ITGAM: variants seen among roughly 807,000 people sequenced by gnomAD.
ITGAM encodes the protein integrin subunit alpha M, also known as integrin alpha-M.
A neutral mutation model predicts 137.5 loss-of-function variants in ITGAM; 79 were observed. The ratio of observed to expected loss-of-function variants is 0.57; its 90% CI spans 0.48 to 0.69. ITGAM has a LOEUF of 0.69. Among genes scored for constraint, ITGAM ranks in the 30% least tolerant of loss-of-function variants. The pLI is 0.00. For synonymous variants in ITGAM, 583 were observed against 592.3 expected, an observed-to-expected ratio of 0.98 and a Z score of 0.23; for missense variants, 1,343 against 1,483.5, an observed-to-expected ratio of 0.91 and a Z score of 1.56.
At position 31,265,864 on chromosome 16, in the gene ITGAM, A is replaced by G; in HGVS notation, c.292A>G (p.Ser98Gly). The G allele has an allele frequency of 6.2e-7, 1 of 1,613,810 alleles. No homozygotes were observed. The highest frequency in any genetic ancestry group is 8.5e-7 in the Non-Finnish European group (1 of 1,179,952). ...SLGLSLAATT[S>G]PPQLLACGPT... ...GGGCCTGTCCCTGGCAGCCACCACC[A>G]GCCCCCCTCAGCTGCTGGTGAGTGG... Residue 98 changes from serine (S) to glycine (G), a missense_variant, in exon 4 of 30, where the codon AGC (serine) becomes GGC (glycine). Physicochemically the swap from Ser to Gly is moderately conservative, Grantham distance 56. Transcript: ENST00000544665.
chr16:31,263,155 G>A (rs2079724527), intron 2 of ITGAM, among the ~76,000 whole-genome samples: 1 of 152,072 alleles, frequency 6.6e-6, no homozygotes, highest in Non-Finnish European at 1.5e-5. Context: ...TGGCCAGGTT[G>A]GTCTTGAACT....
chr16:31,261,089 C>T (rs140071932), intron 1 of ITGAM, among the ~76,000 whole-genome samples: 51 of 152,226 alleles, frequency 3.4e-4, no homozygotes, highest in East Asian at 1.2e-3. Flanking sequence ...TGCTAATCCC[C>T]GCCCCAGGCT....
intron 14 of ITGAM, among the ~76,000 whole-genome samples, chr16:31,315,739 G>A (rs1041461568): frequency 1.3e-5 from 2 of 152,072 alleles, no homozygotes; most frequent in East Asian, 1.9e-4. Context: ...GATTACAGGC[G>A]TGAGCCACTG....
chr16:31,278,027 G>C lies in ITGAM; in HGVS notation c.1274G>C (p.Arg425Pro). ...CAAAGCCTGGTTCTGGGGGCACCTC[G>C]ATATCAGCACATCGGCCTGGTAGCG... is the stretch of plus-strand genomic sequence containing the variant. ...RVQSLVLGAP[R>P]YQHIGLVAMF... The change falls in exon 12 of 30, where the codon CGA (arginine) becomes CCA (proline). Residue 425 changes from arginine (R) to proline (P), a missense_variant. Arg to Pro is a moderately radical substitution (Grantham distance 103, BLOSUM62 -2). Coordinates refer to ENST00000544665, the MANE Select transcript of ITGAM (RefSeq NM_000632.4). 1 of 1,606,912 alleles carries C rather than the reference G, an allele frequency of 6.2e-7. No homozygotes were observed. The highest frequency in any genetic ancestry group is 8.5e-7 in the Non-Finnish European group (1 of 1,176,826).
intron 7 of ITGAM, among the ~76,000 whole-genome samples, 179 bp downstream of exon 7, chr16:31,272,171 G>A (rs1430529996): frequency 6.6e-6 from 1 of 151,586 alleles, no homozygotes; most frequent in Non-Finnish European, 1.5e-5. Context: ...AGGTGGGAGT[G>A]GAGTGGGGAA....
At chr16:31,269,851 AC>A (rs2079808969) in intron 5 of ITGAM, among the ~76,000 whole-genome samples, 1 of 152,096 alleles carries the variant, frequency 6.6e-6, no homozygotes, top group Admixed American at 6.6e-5. Flanking sequence ...GAACACCCGG[AC>A]CTCACTGCCC....
rs1567284967 is a variant in ITGAM at position 31,331,677 on chromosome 16, AGGGGGTCCCCCGGGG to A, written c.3431_3445del (p.Gly1144_Gly1148del). On this transcript the variant is annotated inframe_deletion, in exon 30 of 30. Transcript: ENST00000544665. ...GGCAATACAAGGACATGATGAGTGA[AGGGGGTCCCCCGGGG>A]GCCGAACCCCAGTAGCGGCTCCTTC... The A allele has an allele frequency of 6.2e-7, 1 of 1,609,820 alleles. No individual in the cohort carries two copies. Among genetic ancestry groups the A allele is most frequent in the Middle Eastern group, 1.7e-4 (1 of 6,050 alleles).
intron 5 of ITGAM, among the ~76,000 whole-genome samples, chr16:31,268,718 C>T (rs891219697): frequency 1.6e-4 from 24 of 152,188 alleles, no homozygotes; most frequent in Admixed American, 7.9e-4. Flanking sequence ...AGGCCCTTGC[C>T]CGCTGCTCTT....
chr16:31,312,346 C>T (rs969288458), intron 14 of ITGAM, among the ~76,000 whole-genome samples: 4 of 151,978 alleles, frequency 2.6e-5, no homozygotes, highest in Non-Finnish European at 5.9e-5. Context: ...CAACAAAGAA[C>T]ATGCAAGAAT....
intron 12 of ITGAM, among the ~76,000 whole-genome samples, chr16:31,280,452 C>T (rs917379722): frequency 1.3e-5 from 2 of 152,174 alleles, no homozygotes; most frequent in African/African-American, 4.8e-5. Flanking sequence ...AGGTCCTTCA[C>T]ATCCCTTGTA....
chr16:31,299,631 CAT>C (rs1338586259), intron 14 of ITGAM, among the ~76,000 whole-genome samples: 2 of 152,120 alleles, frequency 1.3e-5, no homozygotes, highest in African/African-American at 4.8e-5. Flanking sequence ...TTAGATAACT[CAT>C]ATAAGTGAAA....
At chr16:31,321,399 A>C (rs2080448782) in intron 15 of ITGAM, 28 bp downstream of exon 15, 5 of 1,613,758 alleles carry the variant, frequency 3.1e-6, no homozygotes, top group Non-Finnish European at 4.2e-6. Context: ...AGTCAACCGG[A>C]CATTCTCCCT....
intron 12 of ITGAM, among the ~76,000 whole-genome samples, chr16:31,295,271 G>A (rs570685005): frequency 1.3e-5 from 2 of 151,986 alleles, no homozygotes; most frequent in African/African-American, 4.8e-5. Context: ...AATGCCATTG[G>A]GATTTTGATA....
chr16:31,265,434 C>T lies in ITGAM; in HGVS notation c.174C>T (p.Asn58=), dbSNP rs1169564001. The T allele has an allele frequency of 1.2e-6, 2 of 1,607,110 alleles. No individual in the cohort carries two copies. Among genetic ancestry groups the T allele is most frequent in the Admixed American group, 1.7e-5 (1 of 59,152 alleles). The change falls in exon 3 of 30, where the codon AAC becomes AAT. Residue 58 remains asparagine, a synonymous_variant. Coordinates refer to ENST00000544665, the MANE Select transcript of ITGAM (RefSeq NM_000632.4). ...CCCCCCAGGAGATAGTGGCTGCCAACCAAAGGGGCAGCCTCTACCAGTGCG... is the reference window on the plus strand; with the variant it reads ...CCCCCCAGGAGATAGTGGCTGCCAATCAAAGGGGCAGCCTCTACCAGTGCG... ...VGAPQEIVAA[N]QRGSLYQCDY... is the part of the protein sequence containing the mutation.
intron 5 of ITGAM, among the ~76,000 whole-genome samples, chr16:31,269,131 C>T (rs191725478): frequency 9.9e-4 from 151 of 152,116 alleles, no homozygotes; most frequent in African/African-American, 3.3e-3. Context: ...ATGAAATCAT[C>T]GGGAGTCGGA....
At chr16:31,280,136 G>C (rs535475456) in intron 12 of ITGAM, among the ~76,000 whole-genome samples, 1 of 152,280 alleles carries the variant, frequency 6.6e-6, no homozygotes, top group South Asian at 2.1e-4. Flanking sequence ...TTTGGTTACT[G>C]TAGTCTTGTA....
At chr16:31,273,793 G>T in intron 8 of ITGAM, 2 of 288,906 alleles carry the variant, frequency 6.9e-6, no homozygotes, top group Non-Finnish European at 1.3e-5. Flanking sequence ...AGGTTGGCAG[G>T]CTGCTCTGCT....
chr16:31,280,910 T>G (rs113620254), intron 12 of ITGAM, among the ~76,000 whole-genome samples: 26,538 of 152,122 alleles, frequency 0.17, 2,889 homozygotes, highest in African/African-American at 0.3. Context: ...CTAGTTTATT[T>G]AGAGTTTTCA....
chr16:31,269,287 G>C (rs936710390), intron 5 of ITGAM, among the ~76,000 whole-genome samples: 1 of 152,148 alleles, frequency 6.6e-6, no homozygotes, highest in African/African-American at 2.4e-5. Context: ...AGTTTAGGGA[G>C]GGTCAGAATC....
Sources: gnomAD v4.1 joint callset for allele counts (sites outside exome capture counted in the v4.1 genomes callset) on GRCh38, gnomAD v4.1.1 for gene constraint, MANE v1.5 for transcripts, NCBI Gene and HGNC (gene_info 2026-07-23, HGNC 2026-07-21) for gene names.